The following SAMMSON variants were observed in gnomAD, a reference collection of about 807,000 sequenced individuals.
SAMMSON encodes the protein survival associated mitochondrial melanoma specific oncogenic non-coding RNA, also known as long intergenic non-protein coding RNA 1212.
At chr3:70,009,221 C>G (rs1376079651) in intron 1 of SAMMSON, 1 of 152,072 alleles carries the variant, frequency 6.6e-6, no homozygotes, top group African/African-American at 2.4e-5. Context: ...ATGGTACCAG[C>G]TCCTCCTTGT....
At chr3:70,265,030 A>T (rs1482663116) in intron 6 of SAMMSON, among the ~76,000 whole-genome samples, 7 of 152,200 alleles carry the variant, frequency 4.6e-5, no homozygotes, top group Admixed American at 4.6e-4. Flanking sequence ...TTATAAAACC[A>T]TCAGATATCG....
intron 4 of SAMMSON, among the ~76,000 whole-genome samples, chr3:70,133,839 A>G (rs2067494036): frequency 6.6e-6 from 1 of 152,132 alleles, no homozygotes; most frequent in Admixed American, 6.5e-5. Flanking sequence ...ATGTTAATTA[A>G]TTTTCTGAGG....
intron 3 of SAMMSON, among the ~76,000 whole-genome samples, chr3:70,017,811 G>A (rs985908851): frequency 6.6e-6 from 1 of 152,042 alleles, no homozygotes; most frequent in Non-Finnish European, 1.5e-5. Flanking sequence ...TGAATTTTGT[G>A]AAAGGCCTTT....
At chr3:70,419,724 C>T (rs540613084) in intron 2 of SAMMSON, among the ~76,000 whole-genome samples, 7 of 152,204 alleles carry the variant, frequency 4.6e-5, no homozygotes, top group East Asian at 1.9e-4. Context: ...CTGCAAGCTC[C>T]GCCTCCCGGG....
chr3:70,327,975 A>G (rs558515212), intron 7 of SAMMSON, among the ~76,000 whole-genome samples: 5 of 152,326 alleles, frequency 3.3e-5, no homozygotes, highest in African/African-American at 1.2e-4. Flanking sequence ...AAAAGAAAGA[A>G]GTTTAATAGA....
intron 4 of SAMMSON, among the ~76,000 whole-genome samples, chr3:70,089,211 A>C (rs1263863169): frequency 1.3e-5 from 2 of 152,190 alleles, no homozygotes; most frequent in Admixed American, 1.3e-4. Context: ...CCAGACAAGA[A>C]TAGAAGAGTT....
chr3:70,120,622 C>CA (rs1163771266), intron 4 of SAMMSON: 3 of 152,222 alleles, frequency 2.0e-5, no homozygotes, highest in African/African-American at 4.8e-5. Context: ...CATGCTCAAG[C>CA]AAATGTCCTT....
intron 7 of SAMMSON, among the ~76,000 whole-genome samples, chr3:70,353,447 T>A (rs1198329984): frequency 6.6e-6 from 1 of 152,096 alleles, no homozygotes; most frequent in Non-Finnish European, 1.5e-5. Flanking sequence ...GAGAAGGATG[T>A]ACAGATGGCA....
chr3:70,142,939 C>G (rs559978843), intron 4 of SAMMSON, among the ~76,000 whole-genome samples: 186 of 152,120 alleles, frequency 1.2e-3, no homozygotes, highest in Non-Finnish European at 1.1e-3. Context: ...ATGGAAGAAG[C>G]CCTTCATCTC....
intron 1 of SAMMSON, among the ~76,000 whole-genome samples, chr3:70,000,457 C>A (rs562418354): frequency 6.6e-6 from 1 of 152,054 alleles, no homozygotes; most frequent in Non-Finnish European, 1.5e-5. Context: ...CCTCTTTCAC[C>A]CACATTTTGT....
chr3:70,134,871 G>A (rs1384635853), intron 4 of SAMMSON, among the ~76,000 whole-genome samples: 2 of 152,048 alleles, frequency 1.3e-5, no homozygotes, highest in Non-Finnish European at 2.9e-5. Context: ...CTTGAATTGG[G>A]CAAGGAAGTA....
At chr3:70,148,498 A>G (rs1378215950) in intron 4 of SAMMSON, among the ~76,000 whole-genome samples, 1 of 152,084 alleles carries the variant, frequency 6.6e-6, no homozygotes, top group Non-Finnish European at 1.5e-5. Flanking sequence ...AGTAATTTAT[A>G]AAGAAAAGAG....
intron 4 of SAMMSON, among the ~76,000 whole-genome samples, chr3:70,144,692 A>G (rs974358204): frequency 3.3e-5 from 5 of 152,144 alleles, no homozygotes; most frequent in Non-Finnish European, 7.4e-5. Context: ...AATCATGGGC[A>G]CAGGTCTTTC....
At chr3:70,101,025 C>G (rs561020717) in intron 4 of SAMMSON, among the ~76,000 whole-genome samples, 1 of 152,248 alleles carries the variant, frequency 6.6e-6, no homozygotes, top group South Asian at 2.1e-4. Context: ...TCACTATTTT[C>G]TCACTTTCAT....
intron 4 of SAMMSON, among the ~76,000 whole-genome samples, chr3:70,102,310 A>C (rs1459099223): frequency 6.6e-6 from 1 of 152,220 alleles, no homozygotes; most frequent in African/African-American, 2.4e-5. Flanking sequence ...AGCCATCATG[A>C]AACTGTGAGG....
intron 7 of SAMMSON, among the ~76,000 whole-genome samples, chr3:70,325,930 G>A (rs1298829476): frequency 3.3e-5 from 5 of 152,064 alleles, no homozygotes; most frequent in Non-Finnish European, 7.4e-5. Flanking sequence ...GATGAACTGT[G>A]TTTCTTCACG....
chr3:70,031,334 A>T (rs943843325), intron 3 of SAMMSON, among the ~76,000 whole-genome samples: 6 of 152,292 alleles, frequency 3.9e-5, no homozygotes, highest in African/African-American at 9.6e-5. Flanking sequence ...TACCTATAAT[A>T]GGTAAATTCA....
intron 3 of SAMMSON, chr3:70,025,127 G>T (rs892780484): frequency 2.0e-5 from 3 of 152,188 alleles, no homozygotes; most frequent in Admixed American, 1.3e-4. Context: ...GGCTGATGTG[G>T]TAAAGTCCGA....
At chr3:70,241,164 T>G (rs1285373841) in intron 4 of SAMMSON, among the ~76,000 whole-genome samples, 1 of 151,948 alleles carries the variant, frequency 6.6e-6, no homozygotes, top group Non-Finnish European at 1.5e-5. Context: ...TTCCTGGGAG[T>G]TGAGATATTT....
Sources: gnomAD v4.1 joint callset for allele counts (sites outside exome capture counted in the v4.1 genomes callset) on GRCh38, gnomAD v4.1.1 for gene constraint, MANE v1.5 for transcripts, NCBI Gene and HGNC (gene_info 2026-07-23, HGNC 2026-07-21) for gene names.